The following PCDHGB1 variants were observed in gnomAD, a reference collection of about 807,000 sequenced individuals.
PCDHGB1 encodes the protein protocadherin gamma subfamily B, 1.
PCDHGB1 carries 34 observed loss-of-function variants against 56.6 expected under a neutral mutation model. The observed-to-expected ratio is 0.60, with a 90% CI of 0.46 to 0.80. PCDHGB1 has a LOEUF of 0.80. Ranked by LOEUF, PCDHGB1 falls within the 30% of genes least tolerant of loss-of-function variation. The probability of loss-of-function intolerance (pLI) is 0.00; values close to 1 mark genes in which losing one functional copy is unlikely to be tolerated. For missense variants in PCDHGB1, 1,278 were observed against 1,204.6 expected (o/e 1.06, Z -0.90); for synonymous variants, 561 against 505.9 (o/e 1.11, Z -1.46).
At position 141,408,836 on chromosome 5, in the gene PCDHGB1, T is replaced by C. The variant is rs772595834; in HGVS notation, c.2409+56167T>C. The C allele has an allele frequency of 5.0e-6, 8 of 1,613,680 alleles. No individual in the cohort carries two copies. In the South Asian group the frequency reaches 6.6e-5, roughly 13 times the overall value. ...AGAACAGAGATCTCATAGCTTGATA[T>C]TGACTGCCTTGGACGGAGGGGACCC... On this transcript the variant is annotated intron_variant, in intron 1 of 3. Transcript: ENST00000523390.
In PCDHGB1 at chr5:141,422,884, G is replaced by C. The variant is rs202035589; in HGVS notation, c.2409+70215G>C. On this transcript the variant is annotated intron_variant, in intron 1 of 3. Transcript: ENST00000523390. ...CAGCAACGTGTCGCTGAGCCTGTTC[G>C]TGCTGGACCAGAACGACAATGCGCC... The C allele has an allele frequency of 1.7e-4, 278 of 1,614,240 alleles. No homozygotes were observed. The African/African-American group carries it at 2.0e-3, about 12-fold the overall frequency.
intron 1 of PCDHGB1, chr5:141,410,230 C>T (rs759582867): frequency 6.2e-7 from 1 of 1,614,006 alleles, no homozygotes; most frequent in Admixed American, 1.7e-5. Flanking sequence ...CAGACCTCAG[C>T]GACCGCCCTG....
chr5:141,357,119 A>G, intron 1 of PCDHGB1: 5 of 1,613,654 alleles, frequency 3.1e-6, no homozygotes, highest in African/African-American at 1.3e-5. Context: ...GCGCTCAAGC[A>G]GAGGCTTGTA....
chr5:141,417,963 A>C (rs1260025037), intron 1 of PCDHGB1: 1 of 1,613,258 alleles, frequency 6.2e-7, no homozygotes, highest in Non-Finnish European at 8.5e-7. Flanking sequence ...CCGATCCGCT[A>C]CTCGATTCCG....
rs376515666 is a variant in PCDHGB1, at chr5:141,394,832, C to T, written c.2409+42163C>T. On this transcript the variant is annotated intron_variant, in intron 1 of 3. Coordinates refer to ENST00000523390, the MANE Select transcript of PCDHGB1 (RefSeq NM_018922.3). The stretch of plus-strand genomic sequence containing the variant: ...CTGACAGCATCCCCGAAGTCCTGAC[C>T]GAGTTGGGCAGTCTGAAGCCTTCGG... The T allele has an allele frequency of 1.5e-5, 24 of 1,613,710 alleles. No individual in the cohort carries two copies. In the East Asian group the frequency reaches 3.3e-4, roughly 22 times the overall value.
At chr5:141,426,487 G>A (rs999549044) in intron 1 of PCDHGB1, 2 of 333,788 alleles carry the variant, frequency 6.0e-6, no homozygotes, top group African/African-American at 4.3e-5. Context: ...AAACCTTAGA[G>A]TTAGTGCAGA....
chr5:141,494,899 C>T, intron 2 of PCDHGB1, 34 bp downstream of exon 2: 1 of 1,614,116 alleles, frequency 6.2e-7, no homozygotes, highest in Non-Finnish European at 8.5e-7. Context: ...ACCCTCTTCT[C>T]TGCGGCATTT....
intron 1 of PCDHGB1, chr5:141,364,629 CACT>C: frequency 6.2e-7 from 1 of 1,614,142 alleles, no homozygotes; most frequent in Non-Finnish European, 8.5e-7. Context: ...GCTCAGAGCC[CACT>C]GTGTGTGGTG....
intron 1 of PCDHGB1, chr5:141,365,726 C>T (rs1266306756): frequency 6.2e-7 from 1 of 1,613,804 alleles, no homozygotes; most frequent in East Asian, 2.2e-5. Flanking sequence ...AGAAAACAAT[C>T]CCAGAGGTGT....
intron 1 of PCDHGB1, chr5:141,356,733 A>G (rs755469317): frequency 1.2e-6 from 2 of 1,613,996 alleles, no homozygotes; most frequent in Non-Finnish European, 1.7e-6. Context: ...ACTCCAATAC[A>G]GGGATCCTAT....
rs1207647899 is a variant in PCDHGB1, at chr5:141,491,938, C to T, written c.2410-2869C>T. The T allele has an allele frequency of 1.6e-5, 19 of 1,199,190 alleles. No homozygotes were observed. Among genetic ancestry groups the T allele is most frequent in the Non-Finnish European group, 2.1e-5 (18 of 875,372 alleles). 74.3% of individuals were successfully genotyped at this position (1,199,190 alleles called of 1,614,324 possible). ...TGTGGGCGAGGGGAGGTGGGACCGA[C>T]CCCCACCCCTACACTCAAAAAAGGC... is the stretch of plus-strand genomic sequence containing the variant. On this transcript the variant is annotated intron_variant, in intron 1 of 3. Coordinates refer to ENST00000523390, the MANE Select transcript of PCDHGB1 (RefSeq NM_018922.3). This position sits in a 1 kb window ranked among gnomAD's most constrained non-coding sequence, Gnocchi z 6.9.
At chr5:141,388,465 T>C in intron 1 of PCDHGB1, 2 of 1,613,816 alleles carry the variant, frequency 1.2e-6, no homozygotes, top group Non-Finnish European at 1.7e-6. Flanking sequence ...TACCCTGAGA[T>C]GGTATTGAAG....
rs1758637541 is a variant in PCDHGB1, at chr5:141,351,078, A to C, written c.818A>C (p.Glu273Ala). The C allele has an allele frequency of 2.5e-6, 4 of 1,613,942 alleles. No homozygotes were observed. The highest frequency in any genetic ancestry group is 3.4e-6 in the Non-Finnish European group (4 of 1,179,886). The change falls in exon 1 of 4, where the codon GAG becomes GCG. Residue 273 changes from glutamate (E) to alanine (A), a missense_variant. By Grantham distance (107) the Glu-to-Ala change is moderately radical. Coordinates refer to ENST00000523390, the MANE Select transcript of PCDHGB1 (RefSeq NM_018922.3). ...ATDQDEGINAEITYAFLNSPI... is the reference protein window; with the variant it reads ...ATDQDEGINAAITYAFLNSPI... ...GACCAGGATGAGGGCATTAATGCAGAGATCACCTATGCCTTCCTCAATTCC... is the reference window on the plus strand; with the variant it reads ...GACCAGGATGAGGGCATTAATGCAGCGATCACCTATGCCTTCCTCAATTCC...
chr5:141,402,610 G>A (rs900326336), intron 1 of PCDHGB1, among the ~76,000 whole-genome samples: 1 of 152,168 alleles, frequency 6.6e-6, no homozygotes, highest in Admixed American at 6.5e-5. Context: ...AAATACAAAT[G>A]CAAGAAACAA....
intron 1 of PCDHGB1, chr5:141,387,632 C>T (rs1345144425): frequency 3.4e-6 from 2 of 586,890 alleles, no homozygotes; most frequent in Non-Finnish European, 5.9e-6. Context: ...ACTCTGGGCG[C>T]CGCTGTTGGC....
chr5:141,374,504 A>G (rs370470847), intron 1 of PCDHGB1: 1 of 1,611,510 alleles, frequency 6.2e-7, no homozygotes, highest in African/African-American at 1.3e-5. Context: ...ATTGGAAGTG[A>G]AAATTCTCGA....
At chr5:141,375,790 A>G (rs1284123678) in intron 1 of PCDHGB1, 9 of 1,614,216 alleles carry the variant, frequency 5.6e-6, no homozygotes, top group African/African-American at 2.7e-5. Context: ...CCCTCCCCAC[A>G]GACGGTTCCA....
intron 1 of PCDHGB1, chr5:141,418,984 C>T: frequency 6.2e-7 from 1 of 1,613,930 alleles, no homozygotes; most frequent in African/African-American, 1.3e-5. Flanking sequence ...GGGACCAAGA[C>T]TCAGGGGAAA....
intron 1 of PCDHGB1, chr5:141,418,829 C>A: frequency 1.9e-6 from 3 of 1,613,856 alleles, no homozygotes; most frequent in Non-Finnish European, 1.7e-6. Context: ...AGCAAAAGAC[C>A]GAGGATCTCT....
Sources: allele counts gnomAD v4.1 joint callset (sites outside exome capture counted in the v4.1 genomes callset), GRCh38; gene constraint gnomAD v4.1.1; non-coding constraint Gnocchi (gnomAD v3.1); transcripts MANE v1.5; gene names NCBI Gene and HGNC (gene_info 2026-07-23, HGNC 2026-07-21).